SUGCT: variants seen among roughly 807,000 people sequenced by gnomAD.
The protein encoded by SUGCT is succinyl-CoA:glutarate CoA-transferase.
In SUGCT, 41 loss-of-function variants were observed where a neutral mutation model predicts 55.0. The ratio of observed to expected loss-of-function variants is 0.74; its 90% CI spans 0.58 to 0.97. SUGCT has a LOEUF of 0.97. Among genes scored for constraint, SUGCT ranks in the 50% least tolerant of loss-of-function variants. The pLI, the probability that SUGCT is intolerant of heterozygous loss-of-function variation, is 0.00. For synonymous variants in SUGCT, 187 were observed against 200.4 expected (o/e 0.93, Z 0.56); for missense variants, 568 against 547.8 (o/e 1.04, Z -0.37).
At chr7:40,596,050 A>G (rs149453873) in intron 12 of SUGCT, among the ~76,000 whole-genome samples, 142 of 152,272 alleles carry the variant, frequency 9.3e-4, no homozygotes, top group African/African-American at 3.2e-3. Context: ...TATTCGGGAC[A>G]TGGCTGACAT....
chr7:40,233,861 C>T (rs1214161958), intron 6 of SUGCT, among the ~76,000 whole-genome samples: 9 of 152,028 alleles, frequency 5.9e-5, no homozygotes, highest in Admixed American at 5.9e-4. Context: ...GACATTGAGG[C>T]TTAGGAAGAT....
chr7:40,781,466 G>GATACACACACAC (rs372507227), intron 13 of SUGCT, among the ~76,000 whole-genome samples: 1 of 151,992 alleles, frequency 6.6e-6, no homozygotes, highest in Non-Finnish European at 1.5e-5. Context: ...GTGCAGGGAA[G>GATACACACACAC]ATACACACAC....
the SUGCT span, among the ~76,000 whole-genome samples, chr7:40,871,931 T>A: frequency 6.6e-6 from 1 of 152,220 alleles, no homozygotes; most frequent in Non-Finnish European, 1.5e-5. Context: ...CCAGTGGTTC[T>A]CTGGGAGGAG....
intron 7 of SUGCT, among the ~76,000 whole-genome samples, chr7:40,250,351 G>A (rs1790284569): frequency 1.3e-5 from 2 of 151,652 alleles, no homozygotes; most frequent in African/African-American, 4.8e-5. Flanking sequence ...AGTGAACCGA[G>A]ATAGTGCTAC....
At chr7:40,243,802 A>T (rs1007686112) in intron 7 of SUGCT, among the ~76,000 whole-genome samples, 30 of 152,328 alleles carry the variant, frequency 2.0e-4, no homozygotes, top group African/African-American at 6.3e-4. Context: ...CTCACAATTT[A>T]AAAAAACTTA....
chr7:40,817,224 T>G (rs916809436), intron 13 of SUGCT, among the ~76,000 whole-genome samples: 1 of 152,246 alleles, frequency 6.6e-6, no homozygotes, highest in African/African-American at 2.4e-5. Context: ...ATTTTAAAAC[T>G]GGTCCTCTAC....
the SUGCT span, among the ~76,000 whole-genome samples, chr7:40,886,752 A>G: frequency 1.3e-5 from 2 of 152,206 alleles, no homozygotes; most frequent in East Asian, 1.9e-4. Flanking sequence ...GGAGATACCC[A>G]TGTTGGTATG....
chr7:40,510,923 T>G (rs1355799398), intron 12 of SUGCT, among the ~76,000 whole-genome samples: 2 of 152,078 alleles, frequency 1.3e-5, no homozygotes, highest in Admixed American at 1.3e-4. Flanking sequence ...CCTGGGAAAC[T>G]TTTCCAATAT....
intron 8 of SUGCT, among the ~76,000 whole-genome samples, chr7:40,284,103 T>C (rs1256425583): frequency 6.9e-6 from 1 of 144,774 alleles, no homozygotes; most frequent in East Asian, 2.0e-4. Flanking sequence ...GTTGAACTCA[T>C]AGAGGCAGAG....
At chr7:40,563,030 G>A (rs1448622928) in intron 12 of SUGCT, among the ~76,000 whole-genome samples, 3 of 152,046 alleles carry the variant, frequency 2.0e-5, no homozygotes, top group East Asian at 1.9e-4. Flanking sequence ...GGAAGGGAGC[G>A]GGGTTGAACT....
chr7:40,372,345 A>C (rs1471078144), intron 9 of SUGCT, among the ~76,000 whole-genome samples: 2 of 152,078 alleles, frequency 1.3e-5, no homozygotes, highest in East Asian at 3.8e-4. Context: ...ATGTTAGCAA[A>C]GCACTTTGCA....
chr7:40,135,152 A>C, intron 1 of SUGCT, 32 bp downstream of exon 1: 1 of 1,520,130 alleles, frequency 6.6e-7, no homozygotes. Flanking sequence ...GGGTGGCTAA[A>C]GGGATCCCTG....
intron 13 of SUGCT, among the ~76,000 whole-genome samples, chr7:40,800,455 AT>A (rs887048921): frequency 1.3e-5 from 2 of 151,300 alleles, no homozygotes; most frequent in African/African-American, 4.9e-5. Context: ...CGCCTGGCTA[AT>A]TTTTTTTGTA....
intron 13 of SUGCT, among the ~76,000 whole-genome samples, chr7:40,795,004 C>A (rs553588560): frequency 6.9e-4 from 105 of 152,112 alleles, no homozygotes; most frequent in African/African-American, 2.4e-3. Context: ...TAAATATACA[C>A]CTGGAATAGC....
rs552644622 is a variant in SUGCT at position 40,747,651 on chromosome 7, A to G, written c.1090-1783A>G. Among the ~76,000 whole-genome samples the G allele has an allele frequency of 2.0e-5, 3 of 152,280 alleles. No homozygotes were observed. The South Asian group carries it at 6.2e-4, about 32-fold the overall frequency. ...ATTTAGATGCACGTACAAGACAGGA[A>G]GAGAGGTTCTGTGCTTGGTAGATAG... On this transcript the variant is annotated intron_variant, in intron 12 of 13. Transcript: ENST00000335693.
At chr7:40,662,669 T>C (rs1801390894) in intron 12 of SUGCT, among the ~76,000 whole-genome samples, 2 of 152,240 alleles carry the variant, frequency 1.3e-5, no homozygotes, top group South Asian at 2.1e-4. Flanking sequence ...TCTCATTTCA[T>C]ATACTGCCTC....
At chr7:40,725,943 G>C (rs866012051) in intron 12 of SUGCT, among the ~76,000 whole-genome samples, 1 of 152,034 alleles carries the variant, frequency 6.6e-6, no homozygotes, top group African/African-American at 2.4e-5. Flanking sequence ...AGCTCCTAGC[G>C]AAGTATTAGA....
chr7:40,487,705 T>G (rs113548683), intron 11 of SUGCT, among the ~76,000 whole-genome samples: 242 of 152,322 alleles, frequency 1.6e-3, no homozygotes, highest in African/African-American at 5.6e-3. Flanking sequence ...TGGGTACATA[T>G]GTATTTACAA....
chr7:40,195,079 C>G lies in SUGCT; in HGVS notation c.484+19C>G. On this transcript the variant is annotated intron_variant, in intron 6 of 13. Transcript: ENST00000335693. ...ATCACAGGTATTTCAACCCCACACC[C>G]TTGTCAGTTAAAAGGTTTTCCAGTT... The G allele has an allele frequency of 6.2e-7, 1 of 1,600,008 alleles. No homozygotes were observed. The highest frequency in any genetic ancestry group is 8.5e-7 in the Non-Finnish European group (1 of 1,173,074).
Sources: allele counts gnomAD v4.1 joint callset (sites outside exome capture counted in the v4.1 genomes callset), GRCh38; gene constraint gnomAD v4.1.1; transcripts MANE v1.5; gene names NCBI Gene and HGNC (gene_info 2026-07-23, HGNC 2026-07-21).